ARHGEF33: variants seen among roughly 807,000 people sequenced by gnomAD.
ARHGEF33 encodes DH and coiled-coil domain-containing protein ENSP00000381780.
ARHGEF33 carries 72 observed loss-of-function variants against 101.9 expected under a neutral mutation model. That is an observed-to-expected ratio of 0.71 (90% CI 0.58 to 0.86). ARHGEF33 has a LOEUF of 0.86. Ranked by LOEUF, ARHGEF33 falls within the 40% of genes least tolerant of loss-of-function variation. ARHGEF33 has a pLI of 0.00. For missense variants in ARHGEF33, 1,169 were observed against 1,111.3 expected (o/e 1.05, Z -0.74); for synonymous variants, 499 against 442.5 (o/e 1.13, Z -1.60).
At chr2:38,944,427 T>A (rs933924495) in intron 10 of ARHGEF33, among the ~76,000 whole-genome samples, 3 of 152,074 alleles carry the variant, frequency 2.0e-5, no homozygotes, top group Admixed American at 6.6e-5. Context: ...GTAGTGGCAA[T>A]AATCCATTCA....
At chr2:38,926,693 C>T (rs1666880560) in intron 4 of ARHGEF33, among the ~76,000 whole-genome samples, 1 of 152,126 alleles carries the variant, frequency 6.6e-6, no homozygotes, top group Non-Finnish European at 1.5e-5. Context: ...AGCTGGGGTT[C>T]TGCAGGGAGG....
At chr2:38,971,747 C>T (rs1668170696) in intron 17 of ARHGEF33, 2 of 696,792 alleles carry the variant, frequency 2.9e-6, no homozygotes, top group African/African-American at 3.6e-5. Flanking sequence ...TCAAGAAATG[C>T]AGAGAAATTC....
chr2:38,930,208 C>T (rs138443526), intron 6 of ARHGEF33, among the ~76,000 whole-genome samples: 12 of 152,176 alleles, frequency 7.9e-5, no homozygotes, highest in East Asian at 3.9e-4. Flanking sequence ...GTCTCTAATG[C>T]GATTATTATT....
At chr2:38,952,211 C>T (rs533638238) in intron 11 of ARHGEF33, among the ~76,000 whole-genome samples, 2 of 152,318 alleles carry the variant, frequency 1.3e-5, no homozygotes, top group African/African-American at 4.8e-5. Context: ...ATCAATTATT[C>T]TCAACTGTGG....
intron 13 of ARHGEF33, among the ~76,000 whole-genome samples, chr2:38,955,962 C>G (rs1333756850): frequency 1.3e-5 from 2 of 152,104 alleles, no homozygotes; most frequent in African/African-American, 2.4e-5. Context: ...AGCCACCACC[C>G]GTGCCCTGAA....
intron 2 of ARHGEF33, among the ~76,000 whole-genome samples, chr2:38,915,783 T>C (rs1378983074): frequency 6.6e-6 from 1 of 152,172 alleles, no homozygotes; most frequent in African/African-American, 2.4e-5. Flanking sequence ...TCCCAACATT[T>C]TGAGAGGACA....
intron 2 of ARHGEF33, among the ~76,000 whole-genome samples, 184 bp from the exon 3 acceptor site, chr2:38,919,179 T>C (rs970588329): frequency 2.0e-5 from 3 of 152,246 alleles, no homozygotes; most frequent in Non-Finnish European, 2.9e-5. Flanking sequence ...ATAATGAATT[T>C]CATATGTATT....
In ARHGEF33 at chr2:38,944,086, G is replaced by T; in HGVS notation, c.920+56G>T. On this transcript the variant is annotated intron_variant, in intron 10 of 17. Transcript: ENST00000409978. ...AGATTGATTAGGATTTAAGGTAAGTGGTTTATTGTTTCCACTTTGGGATTT... is the reference window on the plus strand; with the variant it reads ...AGATTGATTAGGATTTAAGGTAAGTTGTTTATTGTTTCCACTTTGGGATTT... 4 of 1,492,776 alleles carry T rather than the reference G, an allele frequency of 2.7e-6. No individual in the cohort carries two copies. In the South Asian group the frequency reaches 5.4e-5, roughly 20 times the overall value. 92.5% of individuals were successfully genotyped at this position (1,492,776 alleles called of 1,614,324 possible). A position where few individuals can be genotyped will look rare whatever the true frequency, so the allele number is the denominator to read the frequency against.
At chr2:38,895,982 T>A (rs1160086402) in intron 2 of ARHGEF33, 133 bp downstream of exon 2, 1 of 152,218 alleles carries the variant, frequency 6.6e-6, no homozygotes, top group Admixed American at 6.5e-5. Flanking sequence ...CATTCTTGGT[T>A]TGATAACCAT....
Position 38,954,393 on chromosome 2 carries a change from T to C in ARHGEF33, c.1158T>C (p.Ser386=). The C allele has an allele frequency of 6.5e-7, 1 of 1,547,502 alleles. No homozygotes were observed. The highest frequency in any genetic ancestry group is 1.2e-5 in the South Asian group (1 of 83,810). The part of the protein sequence containing the change: ...VLKEGDEEIK[S]DIYTLFFHIV... The stretch of plus-strand genomic sequence containing the variant: ...TTCAGGGTGATGAAGAGATTAAATC[T>C]GACATCTACACGTTGTTTTTTCACA... The change falls in exon 13 of 18, where the codon TCT becomes TCC. Residue 386 remains serine (S), a synonymous_variant. Transcript: ENST00000409978.
chr2:38,959,724 C>T (rs1160162666), intron 15 of ARHGEF33, 117 bp from the exon 16 acceptor site: 2 of 1,158,816 alleles, frequency 1.7e-6, no homozygotes, highest in East Asian at 5.3e-5. Context: ...TTGTGGAGCT[C>T]GGGAGGTGGC....
chr2:38,901,626 G>GT (rs1386626296), intron 2 of ARHGEF33, among the ~76,000 whole-genome samples: 5 of 152,220 alleles, frequency 3.3e-5, no homozygotes, highest in African/African-American at 7.2e-5. Flanking sequence ...TTCCAGCTTT[G>GT]TACTAGGACC....
chr2:38,953,359 C>T (rs1260017455), intron 12 of ARHGEF33, 114 bp downstream of exon 12: 3 of 676,208 alleles, frequency 4.4e-6, no homozygotes, highest in Admixed American at 4.5e-5. Context: ...TGGGGAATGG[C>T]CTGAACACAG....
chr2:38,932,929 CATG>C (rs1667039848), intron 7 of ARHGEF33, among the ~76,000 whole-genome samples: 1 of 152,174 alleles, frequency 6.6e-6, no homozygotes, highest in East Asian at 1.9e-4. Flanking sequence ...AATAATGTGC[CATG>C]ATAAGACATT....
chr2:38,957,419 A>G (rs1667794228), intron 14 of ARHGEF33, among the ~76,000 whole-genome samples: 1 of 152,256 alleles, frequency 6.6e-6, no homozygotes, highest in Non-Finnish European at 1.5e-5. Context: ...ATTGTGTGTC[A>G]GGCACTGTTC....
rs1667895010 is a variant in ARHGEF33, at chr2:38,960,432, CAA to C, written c.2129_2130del (p.Lys710ArgfsTer90). On this transcript the variant is annotated frameshift_variant, in exon 16 of 18. Transcript: ENST00000409978. LOFTEE classifies it high-confidence loss of function. ...GKAKPLSRSL[K>X]EFPRAPPADG... is the part of the protein sequence containing the mutation. ...AGGCCAAGCCGCTGAGCCGCTCTCT[CAA>C]AGAGTTCCCGCGTGCGCCGCCAGCC... 12 of 1,508,426 alleles carry C rather than the reference CAA, an allele frequency of 8.0e-6. No homozygotes were observed. The highest frequency in any genetic ancestry group is 2.6e-5 in the East Asian group (1 of 38,790). The allele number at this position is 1,508,426 out of a possible 1,614,324, so 93.4% of individuals were successfully genotyped here.
In ARHGEF33 at chr2:38,947,191, A is replaced by T. The variant is rs114191681; in HGVS notation, c.920+3161A>T. 5.3e-3 allele frequency among the ~76,000 whole-genome samples: 808 copies of T among 152,346 alleles called. 10 individuals carry two copies. Among genetic ancestry groups the T allele is most frequent in the African/African-American group, 0.019 (775 of 41,564 alleles). On this transcript the variant is annotated intron_variant, in intron 10 of 17. Transcript: ENST00000409978. ...ACCTCCACTGCAAGTACAACTTGACATTCAAGCCTGAGGTGGCCACATCTT... is the reference window on the plus strand; with the variant it reads ...ACCTCCACTGCAAGTACAACTTGACTTTCAAGCCTGAGGTGGCCACATCTT...
chr2:38,899,554 A>G (rs1239993525), intron 2 of ARHGEF33, among the ~76,000 whole-genome samples: 8 of 152,034 alleles, frequency 5.3e-5, no homozygotes, highest in African/African-American at 1.7e-4. Context: ...CTGGGGGTGG[A>G]TGGGTGAGGG....
rs1390460916 is a variant in ARHGEF33, at chr2:38,929,937, G to T, written c.362+107G>T. On this transcript the variant is annotated intron_variant, in intron 6 of 17. Coordinates refer to ENST00000409978, the MANE Select transcript of ARHGEF33 (RefSeq NM_001145451.5). Reference sequence around the variant, plus strand: ...ATCAGTGTATAGCTAGCTGGCCACTGTGCTCCACAGCTTGGCATGCGATGG... The same window carrying T: ...ATCAGTGTATAGCTAGCTGGCCACTTTGCTCCACAGCTTGGCATGCGATGG... The T allele has an allele frequency of 4.3e-6, 4 of 940,650 alleles. No homozygotes were observed. The East Asian group carries it at 1.1e-4, about 25-fold the overall frequency. 58.3% of individuals were successfully genotyped at this position (940,650 alleles called of 1,614,324 possible).
Sources: gnomAD v4.1 joint callset for allele counts (sites outside exome capture counted in the v4.1 genomes callset) on GRCh38, gnomAD v4.1.1 for gene constraint, MANE v1.5 for transcripts, NCBI Gene and HGNC (gene_info 2026-07-23, HGNC 2026-07-21) for gene names.